The following SFI1 variants were observed in gnomAD, a reference collection of about 807,000 sequenced individuals.
SFI1 encodes the protein protein SFI1 homolog.
A neutral mutation model predicts 207.5 loss-of-function variants in SFI1; 195 were observed. The ratio of observed to expected loss-of-function variants is 0.94; its 90% CI spans 0.84 to 1.06. The LOEUF (loss-of-function observed/expected upper bound fraction) is 1.06, where lower values mean the gene tolerates loss of function less well. Among genes scored for constraint, SFI1 ranks in the 50% least tolerant of loss-of-function variants. The pLI, the probability that SFI1 is intolerant of heterozygous loss-of-function variation, is 0.00. For synonymous variants in SFI1, 630 were observed against 598.9 expected (o/e 1.05, Z -0.76); for missense variants, 1,634 against 1,588.0 (o/e 1.03, Z -0.49).
At chr22:31,570,992 G>A (rs2062887651) in intron 8 of SFI1, among the ~76,000 whole-genome samples, 2 of 152,218 alleles carry the variant, frequency 1.3e-5, no homozygotes, top group African/African-American at 4.8e-5. Context: ...CACTTGATAA[G>A]AGTAGTTTCA....
intron 9 of SFI1, among the ~76,000 whole-genome samples, chr22:31,573,432 A>G (rs2063151951): frequency 6.6e-6 from 1 of 150,816 alleles, no homozygotes; most frequent in Non-Finnish European, 1.5e-5. Context: ...AGCTATCTGT[A>G]GATAGATTTT....
chr22:31,601,929 A>G (rs1158551757), intron 15 of SFI1, among the ~76,000 whole-genome samples: 2 of 147,730 alleles, frequency 1.4e-5, no homozygotes, highest in Non-Finnish European at 3.0e-5. Flanking sequence ...GGTAGTTGGT[A>G]CTACAGGCAC....
intron 15 of SFI1, among the ~76,000 whole-genome samples, chr22:31,590,928 T>C (rs1190608747): frequency 6.6e-6 from 1 of 151,118 alleles, no homozygotes; most frequent in African/African-American, 2.4e-5. Context: ...ACTACTGGCT[T>C]TTCTATATTC....
chr22:31,597,533 C>G (rs1603293631), intron 15 of SFI1, among the ~76,000 whole-genome samples: 1 of 152,316 alleles, frequency 6.6e-6, no homozygotes, highest in East Asian at 1.9e-4. Context: ...CTCTCTGAGC[C>G]TCAGTCTCCT....
intron 4 of SFI1, among the ~76,000 whole-genome samples, chr22:31,532,284 G>A (rs1205465888): frequency 6.6e-6 from 1 of 152,108 alleles, no homozygotes; most frequent in Non-Finnish European, 1.5e-5. Context: ...AAATTCCTCT[G>A]TCATAGCTTC....
At chr22:31,539,330 C>T (rs1345452037) in intron 4 of SFI1, among the ~76,000 whole-genome samples, 1 of 152,122 alleles carries the variant, frequency 6.6e-6, no homozygotes, top group African/African-American at 2.4e-5. Flanking sequence ...CAGTGGCTTC[C>T]TGCTGAAAGT....
At position 31,600,057 on chromosome 22, in the gene SFI1, G is replaced by A. The variant is rs534863635; in HGVS notation, c.1545-2155G>A. 2.6e-5 allele frequency among the ~76,000 whole-genome samples: 4 copies of A among 151,638 alleles called. No individual in the cohort carries two copies. The South Asian group carries it at 8.3e-4, about 32-fold the overall frequency. On this transcript the variant is annotated intron_variant, in intron 15 of 32. Coordinates refer to ENST00000400288, the MANE Select transcript of SFI1 (RefSeq NM_001007467.3). ...TTTTGTCATACATTTTATGTCTAACGATTGATTGATTGTAGAGACGAGGTC... is the reference window on the plus strand; with the variant it reads ...TTTTGTCATACATTTTATGTCTAACAATTGATTGATTGTAGAGACGAGGTC...
intron 4 of SFI1, among the ~76,000 whole-genome samples, chr22:31,536,426 T>A (rs1165788073): frequency 6.6e-6 from 1 of 152,196 alleles, no homozygotes; most frequent in Non-Finnish European, 1.5e-5. Flanking sequence ...TTATTTATTT[T>A]TTGAGACGAA....
chr22:31,515,379 C>CA (rs2056344567), intron 2 of SFI1, among the ~76,000 whole-genome samples: 1 of 150,772 alleles, frequency 6.6e-6, no homozygotes, highest in Non-Finnish European at 1.5e-5. Context: ...GACAGGATCT[C>CA]ATTCTTTTAC....
At chr22:31,612,398 A>ATATAT (rs1411274365) in intron 24 of SFI1, 31 of 60,192 alleles carry the variant, frequency 5.2e-4, no homozygotes, top group Non-Finnish European at 6.9e-4. Flanking sequence ...AAAAAAAAAA[A>ATATAT]ATATATATAT....
intron 7 of SFI1, among the ~76,000 whole-genome samples, chr22:31,560,108 G>A (rs942315815): frequency 3.9e-5 from 6 of 152,150 alleles, no homozygotes; most frequent in Non-Finnish European, 8.8e-5. Flanking sequence ...GATAGCTTGA[G>A]GTTTTGCAGT....
chr22:31,568,215 TATATATATATA>T (rs1220598533), intron 8 of SFI1, among the ~76,000 whole-genome samples: 11 of 129,160 alleles, frequency 8.5e-5, no homozygotes, highest in East Asian at 2.3e-4. Flanking sequence ...TGTGTGTATA[TATATATATATA>T]TTTTTTTTTT....
At chr22:31,507,654 A>C (rs2054840767) in intron 1 of SFI1, among the ~76,000 whole-genome samples, 1 of 152,216 alleles carries the variant, frequency 6.6e-6, no homozygotes, top group African/African-American at 2.4e-5. Context: ...ACATTATGAG[A>C]TAAAAACAGC....
At chr22:31,498,486 A>G (rs1329679231) in intron 1 of SFI1, among the ~76,000 whole-genome samples, 4 of 151,692 alleles carry the variant, frequency 2.6e-5, no homozygotes, top group African/African-American at 9.7e-5. Flanking sequence ...CCCTGTGTCT[A>G]CTAAAAATAC....
At chr22:31,560,401 T>C in intron 7 of SFI1, among the ~76,000 whole-genome samples, 1 of 74,250 alleles carries the variant, frequency 1.3e-5, no homozygotes, top group East Asian at 6.6e-4. Context: ...GGTAATACTC[T>C]TTTTTTTTTT....
chr22:31,562,877 C>G (rs748903166), intron 8 of SFI1, among the ~76,000 whole-genome samples: 1 of 151,862 alleles, frequency 6.6e-6, no homozygotes, highest in African/African-American at 2.4e-5. Flanking sequence ...TTGTGATGGC[C>G]TGCATCGGCC....
At chr22:31,598,716 C>CTTTTTTTTTTT (rs71184513) in intron 15 of SFI1, among the ~76,000 whole-genome samples, 434 of 26,874 alleles carry the variant, frequency 0.016, 143 homozygotes, top group African/African-American at 0.028. Context: ...TGCGCCTGGC[C>CTTTTTTTTTTT]TTTTTTTTTT....
chr22:31,558,688 A>G (rs1325320352), intron 7 of SFI1, among the ~76,000 whole-genome samples: 3 of 152,164 alleles, frequency 2.0e-5, no homozygotes, highest in African/African-American at 7.2e-5. Context: ...CATGTTGGCC[A>G]GCCTTGTCTC....
At chr22:31,515,308 T>C (rs1032334402) in intron 2 of SFI1, among the ~76,000 whole-genome samples, 1 of 148,810 alleles carries the variant, frequency 6.7e-6, no homozygotes, top group Non-Finnish European at 1.5e-5. Context: ...CTGGTAGGTA[T>C]GTCTCATTGT....
Sources: gnomAD v4.1 joint callset for allele counts (sites outside exome capture counted in the v4.1 genomes callset) on GRCh38, gnomAD v4.1.1 for gene constraint, MANE v1.5 for transcripts, NCBI Gene and HGNC (gene_info 2026-07-23, HGNC 2026-07-21) for gene names.